NKAIN2: variants seen among roughly 807,000 people sequenced by gnomAD.
NKAIN2 encodes the protein sodium/potassium-transporting ATPase subunit beta-1-interacting protein 2.
NKAIN2 carries 14 observed loss-of-function variants against 32.6 expected under a neutral mutation model. That is an observed-to-expected ratio of 0.43 (90% CI 0.28 to 0.67). The LOEUF is 0.67. Among genes scored for constraint, NKAIN2 ranks in the 30% least tolerant of loss-of-function variants. The pLI is 0.17. For missense variants in NKAIN2, 198 were observed against 258.3 expected (o/e 0.77, Z 1.60); for synonymous variants, 80 against 87.2 (o/e 0.92, Z 0.46).
chr6:124,676,959 TGTTGTC>T (rs1425862922), intron 4 of NKAIN2, among the ~76,000 whole-genome samples: 2 of 152,048 alleles, frequency 1.3e-5, no homozygotes, highest in Non-Finnish European at 2.9e-5. Flanking sequence ...GGTTTGTTGT[TGTTGTC>T]GTTGTTGTTG....
intron 1 of NKAIN2, among the ~76,000 whole-genome samples, chr6:124,030,349 G>A (rs1439500847): frequency 1.3e-5 from 2 of 152,106 alleles, no homozygotes; most frequent in African/African-American, 4.8e-5. Flanking sequence ...GTGCCAAAAA[G>A]GTTGGGGACC....
At chr6:124,586,081 G>T (rs192689499) in intron 3 of NKAIN2, among the ~76,000 whole-genome samples, 5 of 151,792 alleles carry the variant, frequency 3.3e-5, no homozygotes, top group Admixed American at 6.6e-5. Context: ...GATTTCCATC[G>T]CCTGCCCCAA....
chr6:124,274,361 A>G (rs988232256), intron 1 of NKAIN2, among the ~76,000 whole-genome samples: 1 of 152,188 alleles, frequency 6.6e-6, no homozygotes, highest in Non-Finnish European at 1.5e-5. Context: ...ATATGTAAAA[A>G]TAGTTATTAG....
intron 1 of NKAIN2, among the ~76,000 whole-genome samples, chr6:123,908,921 T>A (rs980686701): frequency 6.6e-6 from 1 of 152,196 alleles, no homozygotes; most frequent in African/African-American, 2.4e-5. Flanking sequence ...TAATTGCATA[T>A]GTTAGCAATT....
intron 1 of NKAIN2, among the ~76,000 whole-genome samples, chr6:123,927,872 A>G (rs1426355107): frequency 1.3e-5 from 2 of 152,206 alleles, no homozygotes; most frequent in Admixed American, 1.3e-4. Context: ...ACTTCTGTCC[A>G]GATTCCATTG....
rs137909358 is a variant in NKAIN2 at position 124,032,103 on chromosome 6, G to A, written c.54+227849G>A. Among the ~76,000 whole-genome samples the A allele has an allele frequency of 5.4e-3, 821 of 152,096 alleles. 5 individuals are homozygous for A. Among genetic ancestry groups the A allele is most frequent in the African/African-American group, 0.018 (740 of 41,484 alleles). On this transcript the variant is annotated intron_variant, in intron 1 of 6. Coordinates refer to ENST00000368417, the MANE Select transcript of NKAIN2 (RefSeq NM_001040214.3). ...GCAGCCATGAAAGGGATGAGTTCAT[G>A]TCCTTTGTAGGGACACAGATGAAGC...
intron 1 of NKAIN2, among the ~76,000 whole-genome samples, chr6:124,125,806 A>T (rs1343626260): frequency 6.6e-6 from 1 of 152,120 alleles, no homozygotes. Context: ...GAAAAAATCT[A>T]CTGTGTTTTC....
Position 124,825,019 on chromosome 6 carries a change from A to T in NKAIN2, c.*1790A>T, listed in dbSNP as rs949911089. 3.9e-5 allele frequency: 6 copies of T among 152,654 alleles called. No individual in the cohort carries two copies. Among genetic ancestry groups the T allele is most frequent in the Non-Finnish European group, 7.3e-5 (5 of 68,030 alleles). The allele number at this position is 152,654 out of a possible 1,614,324, so 9.5% of individuals were successfully genotyped here. A position where few individuals can be genotyped will look rare whatever the true frequency, so the allele number is the denominator to read the frequency against. ...CATACATACATGTATAAAATAAACA[A>T]TTGCAAACATGTCAGTGAAACCTCA... On this transcript the variant is annotated 3_prime_UTR_variant, in exon 7 of 7. Transcript: ENST00000368417.
At chr6:124,106,724 G>A (rs1785137351) in intron 1 of NKAIN2, among the ~76,000 whole-genome samples, 1 of 152,120 alleles carries the variant, frequency 6.6e-6, no homozygotes, top group South Asian at 2.1e-4. Flanking sequence ...TGAGGACATT[G>A]GTTGCAGAGT....
chr6:124,207,380 C>T (rs956369567), intron 1 of NKAIN2, among the ~76,000 whole-genome samples: 1 of 151,012 alleles, frequency 6.6e-6, no homozygotes, highest in African/African-American at 2.4e-5. Context: ...ATCTTAATCT[C>T]TTTATAATTT....
intron 1 of NKAIN2, among the ~76,000 whole-genome samples, chr6:123,819,381 C>T (rs1302378702): frequency 6.6e-6 from 1 of 152,156 alleles, no homozygotes; most frequent in African/African-American, 2.4e-5. Flanking sequence ...TTAGTGCATG[C>T]TACTTTCTGT....
chr6:124,660,993 A>T (rs1784726487), intron 4 of NKAIN2, among the ~76,000 whole-genome samples: 2 of 152,166 alleles, frequency 1.3e-5, no homozygotes. Context: ...TGTTACCCAG[A>T]TCATCTCCTT....
chr6:124,279,797 A>G (rs1295886733), intron 1 of NKAIN2, among the ~76,000 whole-genome samples: 1 of 152,174 alleles, frequency 6.6e-6, no homozygotes, highest in Non-Finnish European at 1.5e-5. Context: ...TACTCAATCT[A>G]ATCCATCACA....
At chr6:123,933,419 T>A (rs1305096216) in intron 1 of NKAIN2, among the ~76,000 whole-genome samples, 1 of 152,202 alleles carries the variant, frequency 6.6e-6, no homozygotes, top group African/African-American at 2.4e-5. Flanking sequence ...TATATATTTC[T>A]CTCTTGTCAG....
chr6:123,910,499 G>GTTTTTTTTTTTTTTTTTTT (rs35165515), intron 1 of NKAIN2, among the ~76,000 whole-genome samples: 5 of 81,316 alleles, frequency 6.1e-5, no homozygotes, highest in African/African-American at 2.5e-4. Flanking sequence ...TGCAATGCAT[G>GTTTTTTTTTTTTTTTTTTT]TTTTTTTTTT....
chr6:124,374,291 G>C (rs1190186500), intron 3 of NKAIN2, among the ~76,000 whole-genome samples: 2 of 151,786 alleles, frequency 1.3e-5, no homozygotes, highest in African/African-American at 2.4e-5. Context: ...TAAGTGAAAA[G>C]GTATAAAGAG....
At chr6:124,224,077 A>T (rs1050561040) in intron 1 of NKAIN2, among the ~76,000 whole-genome samples, 1 of 152,180 alleles carries the variant, frequency 6.6e-6, no homozygotes, top group Admixed American at 6.5e-5. Flanking sequence ...GAACAAGATG[A>T]CAACTGATAC....
At chr6:123,878,521 C>G (rs1437803411) in intron 1 of NKAIN2, among the ~76,000 whole-genome samples, 1 of 151,968 alleles carries the variant, frequency 6.6e-6, no homozygotes, top group Non-Finnish European at 1.5e-5. Context: ...TCTTTTCTTG[C>G]TTTCCTTTTT....
intron 3 of NKAIN2, among the ~76,000 whole-genome samples, chr6:124,408,549 G>T (rs1052528827): frequency 1.3e-5 from 2 of 152,134 alleles, no homozygotes; most frequent in Non-Finnish European, 2.9e-5. Flanking sequence ...CTGTTCCATT[G>T]ATCTATATGT....
Sources: gnomAD v4.1 joint callset for allele counts (sites outside exome capture counted in the v4.1 genomes callset) on GRCh38, gnomAD v4.1.1 for gene constraint, MANE v1.5 for transcripts, NCBI Gene and HGNC (gene_info 2026-07-23, HGNC 2026-07-21) for gene names.